TMEM132B: variants seen among roughly 807,000 people sequenced by gnomAD.
TMEM132B encodes transmembrane protein 132B.
TMEM132B carries 18 observed loss-of-function variants against 90.8 expected under a neutral mutation model. The ratio of observed to expected loss-of-function variants is 0.20; its 90% CI spans 0.14 to 0.29. The LOEUF (loss-of-function observed/expected upper bound fraction) is 0.29, where lower values mean the gene tolerates loss of function less well. Among genes scored for constraint, TMEM132B ranks in the 10% least tolerant of loss-of-function variants. TMEM132B has a pLI of 1.00. For missense variants in TMEM132B, 1,096 were observed against 1,326.8 expected (o/e 0.83, Z 2.70); for synonymous variants, 504 against 523.3 (o/e 0.96, Z 0.50).
At position 125,519,480 on chromosome 12, in the gene TMEM132B, G is replaced by T; in HGVS notation, c.1148G>T (p.Gly383Val). 6.2e-7 allele frequency: 1 copy of T among 1,613,752 alleles called. No individual in the cohort carries two copies. ...TATGAGATCTTGCAAGTGGACTTTGGAATTGATAATAGCAGTGACCTGGCT... is the reference window on the plus strand; with the variant it reads ...TATGAGATCTTGCAAGTGGACTTTGTAATTGATAATAGCAGTGACCTGGCT... ...SFYEILQVDF[G>V]IDNSSDLAGA... is the part of the protein sequence containing the mutation. The change falls in exon 4 of 9, where the codon GGA becomes GTA. Residue 383 changes from glycine to valine, a missense_variant. By Grantham distance (109) the Gly-to-Val change is moderately radical. Transcript: ENST00000682704.
At chr12:125,600,161 G>A (rs1885537541) in intron 5 of TMEM132B, among the ~76,000 whole-genome samples, 1 of 152,164 alleles carries the variant, frequency 6.6e-6, no homozygotes, top group Non-Finnish European at 1.5e-5. Flanking sequence ...ATGAATTGGA[G>A]GGAGGAAAGA....
intron 1 of TMEM132B, among the ~76,000 whole-genome samples, chr12:125,249,800 G>T (rs902048662): frequency 1.3e-5 from 2 of 152,178 alleles, no homozygotes; most frequent in Non-Finnish European, 2.9e-5. Context: ...CAATGGGAAG[G>T]GTGGGACAAG....
intron 1 of TMEM132B, among the ~76,000 whole-genome samples, chr12:125,187,527 G>A (rs1269158270): frequency 6.6e-6 from 1 of 152,234 alleles, no homozygotes; most frequent in African/African-American, 2.4e-5. Flanking sequence ...GGGTAGCCGC[G>A]GCCAAGCAGT....
chr12:125,194,324 G>T (rs1045406522), intron 1 of TMEM132B, among the ~76,000 whole-genome samples: 1 of 152,016 alleles, frequency 6.6e-6, no homozygotes, highest in Non-Finnish European at 1.5e-5. Context: ...TGCAGTGCCC[G>T]GGAGGGGTGA....
chr12:125,292,853 G>A (rs566292029), intron 1 of TMEM132B, among the ~76,000 whole-genome samples: 2 of 152,244 alleles, frequency 1.3e-5, no homozygotes, highest in South Asian at 4.1e-4. Flanking sequence ...CTCATTCAGT[G>A]GCTAGAAGTT....
At chr12:125,423,319 C>T (rs1566031640) in intron 3 of TMEM132B, among the ~76,000 whole-genome samples, 2 of 152,236 alleles carry the variant, frequency 1.3e-5, no homozygotes, top group Admixed American at 6.5e-5. Flanking sequence ...GTACCAGCCA[C>T]TTCAGGAGTT....
chr12:125,433,386 C>A (rs1184198855), intron 3 of TMEM132B, among the ~76,000 whole-genome samples: 1 of 152,080 alleles, frequency 6.6e-6, no homozygotes, highest in Admixed American at 6.5e-5. Flanking sequence ...CTGGAAGGAC[C>A]CTCGGGTCAT....
chr12:125,566,790 T>C (rs902422462), intron 4 of TMEM132B, among the ~76,000 whole-genome samples: 1 of 151,790 alleles, frequency 6.6e-6, no homozygotes, highest in Non-Finnish European at 1.5e-5. Context: ...ATTCTCTCTT[T>C]CTCGATTCCT....
chr12:125,270,011 A>G (rs74241469), intron 1 of TMEM132B, among the ~76,000 whole-genome samples: 15,775 of 151,712 alleles, frequency 0.1, 886 homozygotes, highest in African/African-American at 0.12. Context: ...TCTGGGCAGT[A>G]GAACATGACC....
chr12:125,501,439 T>C (rs1405253421), intron 3 of TMEM132B, among the ~76,000 whole-genome samples: 1 of 152,212 alleles, frequency 6.6e-6, no homozygotes, highest in Non-Finnish European at 1.5e-5. Flanking sequence ...TAGGTAAACA[T>C]GTGCCATGGT....
At chr12:125,367,293 T>C (rs1878163465) in intron 2 of TMEM132B, among the ~76,000 whole-genome samples, 1 of 152,066 alleles carries the variant, frequency 6.6e-6, no homozygotes, top group African/African-American at 2.4e-5. Flanking sequence ...ATTCTTATTT[T>C]TGATTTTCCA....
chr12:125,561,710 T>C (rs1323963484), intron 4 of TMEM132B, among the ~76,000 whole-genome samples: 1 of 152,138 alleles, frequency 6.6e-6, no homozygotes, highest in Non-Finnish European at 1.5e-5. Flanking sequence ...GGAATCTTTT[T>C]TTTTTTTTCC....
intron 5 of TMEM132B, among the ~76,000 whole-genome samples, chr12:125,591,151 T>C (rs570746001): frequency 6.6e-6 from 1 of 152,330 alleles, no homozygotes; most frequent in Non-Finnish European, 1.5e-5. Context: ...TGGACTTTTT[T>C]TGAATTTGCA....
At chr12:125,574,269 T>G (rs951528841) in intron 4 of TMEM132B, among the ~76,000 whole-genome samples, 1 of 152,086 alleles carries the variant, frequency 6.6e-6, no homozygotes, top group Non-Finnish European at 1.5e-5. Context: ...TATGAAGCCC[T>G]TGTCACAATC....
chr12:125,618,078 G>T (rs779286230), intron 5 of TMEM132B, among the ~76,000 whole-genome samples: 7 of 152,046 alleles, frequency 4.6e-5, no homozygotes, highest in Non-Finnish European at 8.8e-5. Flanking sequence ...CTTATGACCT[G>T]CTCCTCTTCC....
chr12:125,304,842 T>TA (rs913023572), intron 1 of TMEM132B, among the ~76,000 whole-genome samples: 48 of 147,562 alleles, frequency 3.3e-4, no homozygotes, highest in Middle Eastern at 3.5e-3. Context: ...ACCCCATTTC[T>TA]AAAAAAAAAA....
At chr12:125,653,501 A>G (rs1164683266) in intron 8 of TMEM132B, 64 bp from the exon 9 acceptor site, 2 of 1,487,938 alleles carry the variant, frequency 1.3e-6, no homozygotes, top group South Asian at 1.4e-5. Flanking sequence ...AGGAAATTAT[A>G]CTTATGTTTT....
chr12:125,412,840 C>A (rs1056372018), intron 2 of TMEM132B, among the ~76,000 whole-genome samples: 1 of 152,076 alleles, frequency 6.6e-6, no homozygotes, highest in Non-Finnish European at 1.5e-5. Context: ...TTGTGGTTTG[C>A]ATAAATTAAT....
chr12:125,566,997 C>G (rs2136816769), intron 4 of TMEM132B, among the ~76,000 whole-genome samples: 1 of 152,114 alleles, frequency 6.6e-6, no homozygotes, highest in East Asian at 1.9e-4. Context: ...GTGCCCACCA[C>G]CACACCGGCT....
Sources: gnomAD v4.1 joint callset for allele counts (sites outside exome capture counted in the v4.1 genomes callset) on GRCh38, gnomAD v4.1.1 for gene constraint, MANE v1.5 for transcripts, NCBI Gene and HGNC (gene_info 2026-07-23, HGNC 2026-07-21) for gene names.